Variants in ABI1 observed in about 807,000 individuals in gnomAD.
ABI1 encodes abl interactor 1.
A neutral mutation model predicts 54.6 loss-of-function variants in ABI1; 14 were observed. The ratio of observed to expected loss-of-function variants is 0.26; its 90% CI spans 0.17 to 0.40. ABI1 has a LOEUF of 0.40. ABI1 is among the 10% of genes least tolerant of loss of function. ABI1 has a pLI of 1.00. For synonymous variants in ABI1, 194 were observed against 209.3 expected (o/e 0.93, Z 0.63); for missense variants, 443 against 598.3 (o/e 0.74, Z 2.71).
intron 2 of ABI1, among the ~76,000 whole-genome samples, chr10:26,816,855 T>G (rs1420681074): frequency 1.3e-5 from 2 of 152,200 alleles, no homozygotes; most frequent in Non-Finnish European, 2.9e-5. Context: ...TTTTATAATC[T>G]CCAATAACCA....
At chr10:26,781,211 A>G (rs1476950436) in intron 2 of ABI1, among the ~76,000 whole-genome samples, 1 of 152,246 alleles carries the variant, frequency 6.6e-6, no homozygotes, top group Non-Finnish European at 1.5e-5. Context: ...CCTCTTTTGA[A>G]AAGATTCCCA....
chr10:26,839,664 A>AC (rs201513592), intron 1 of ABI1: 10 of 637,046 alleles, frequency 1.6e-5, no homozygotes, highest in Admixed American at 2.8e-5. Flanking sequence ...AAAAAAAAAA[A>AC]AACATGCCAG....
chr10:26,821,523 T>G (rs2047981717), intron 2 of ABI1, among the ~76,000 whole-genome samples: 1 of 152,070 alleles, frequency 6.6e-6, no homozygotes, highest in Admixed American at 6.5e-5. Context: ...TTAGGCAGGG[T>G]GCTGTCGCTC....
chr10:26,843,466 AAAAAAAAAAAAAAAAAAAAAT>A (rs2049698135), intron 1 of ABI1, among the ~76,000 whole-genome samples: 1 of 81,206 alleles, frequency 1.2e-5, no homozygotes, highest in Non-Finnish European at 2.3e-5. Flanking sequence ...AAAAAAAAAA[AAAAAAAAAAAAAAAAAAAAAT>A]ATATATATAT....
At chr10:26,813,251 C>T (rs1268060387) in intron 2 of ABI1, among the ~76,000 whole-genome samples, 2 of 147,180 alleles carry the variant, frequency 1.4e-5, no homozygotes, top group Non-Finnish European at 3.0e-5. Flanking sequence ...TCCATCCCCC[C>T]GCCAAAAAAA....
chr10:26,856,455 A>AAAC (rs1213488948), intron 1 of ABI1, among the ~76,000 whole-genome samples: 2 of 149,792 alleles, frequency 1.3e-5, no homozygotes, highest in Non-Finnish European at 3.0e-5. Flanking sequence ...AAAAAAAAAA[A>AAAC]AAAAAAACTG....
In ABI1 at chr10:26,771,214, T is replaced by C. The variant is rs189096733; in HGVS notation, c.463-125A>G. On this transcript the variant is annotated intron_variant, in intron 3 of 10. Transcript: ENST00000376140. ...TTAATAAGCTTTTTTCCAGCCATGT[T>C]TCAACTACTTTGTAAAGAAAAAGAG... is the stretch of plus-strand genomic sequence containing the variant. The C allele has an allele frequency of 3.7e-3, 3,640 of 971,526 alleles. 14 individuals are homozygous for C. Among genetic ancestry groups the C allele is most frequent in the Non-Finnish European group, 4.9e-3 (3,074 of 623,778 alleles). The allele number at this position is 971,526 out of a possible 1,614,324, so 60.2% of individuals were successfully genotyped here.
intron 2 of ABI1, among the ~76,000 whole-genome samples, chr10:26,797,863 G>A (rs1160761384): frequency 1.3e-5 from 2 of 152,078 alleles, no homozygotes; most frequent in East Asian, 3.8e-4. Flanking sequence ...TAAATTAAAG[G>A]ATAATAGGAA....
At chr10:26,789,530 T>G (rs1463102452) in intron 2 of ABI1, among the ~76,000 whole-genome samples, 1 of 152,188 alleles carries the variant, frequency 6.6e-6, no homozygotes, top group Admixed American at 6.5e-5. Flanking sequence ...CCCTTTTCAG[T>G]TTTGAAATTA....
chr10:26,850,414 C>G (rs965159903), intron 1 of ABI1, among the ~76,000 whole-genome samples: 16 of 151,890 alleles, frequency 1.1e-4, no homozygotes, highest in Non-Finnish European at 1.6e-4. Flanking sequence ...AATCCCAGCA[C>G]TTTGGGAGGC....
intron 7 of ABI1, chr10:26,763,898 G>A: frequency 6.2e-7 from 1 of 1,612,946 alleles, no homozygotes; most frequent in Non-Finnish European, 8.5e-7. Flanking sequence ...GTGCTCACTG[G>A]GAGAAGTGGT....
chr10:26,749,075 T>C (rs1837292651), intron 10 of ABI1, among the ~76,000 whole-genome samples: 1 of 152,172 alleles, frequency 6.6e-6, no homozygotes, highest in Non-Finnish European at 1.5e-5. Flanking sequence ...GCACCGGCTT[T>C]TCAAAATAAT....
At chr10:26,854,067 T>G (rs2050625390) in intron 1 of ABI1, among the ~76,000 whole-genome samples, 1 of 152,118 alleles carries the variant, frequency 6.6e-6, no homozygotes, top group African/African-American at 2.4e-5. Flanking sequence ...TGCCTAAATA[T>G]CTCCTTTCCA....
intron 1 of ABI1, among the ~76,000 whole-genome samples, chr10:26,840,323 T>C (rs1322250880): frequency 1.3e-5 from 2 of 152,170 alleles, no homozygotes; most frequent in Non-Finnish European, 2.9e-5. Context: ...TCCCTTCCCT[T>C]CAGCTACAAG....
rs140456554 is a variant in ABI1, at chr10:26,786,826, A to G, written c.286-9585T>C. 2.4e-4 allele frequency among the ~76,000 whole-genome samples: 37 copies of G among 152,270 alleles called. 1 individual carries two copies. The East Asian group carries it at 6.6e-3, about 27-fold the overall frequency. ...CACATTCAGGCTTAAATTACCATAT[A>G]TACACACAAACTTTTCTTTATCTAT... is the stretch of plus-strand genomic sequence containing the variant. On this transcript the variant is annotated intron_variant, in intron 2 of 10. Transcript: ENST00000376140.
At position 26,751,753 on chromosome 10, in the gene ABI1, G is replaced by A. The variant is rs750066446; in HGVS notation, c.1115C>T (p.Pro372Leu). 215 of 1,612,282 alleles carry A rather than the reference G, an allele frequency of 1.3e-4. No individual in the cohort carries two copies. Among genetic ancestry groups the A allele is most frequent in the Non-Finnish European group, 1.8e-4 (209 of 1,179,294 alleles). The change falls in exon 10 of 11, where the codon CCT becomes CTT. Residue 372 changes from proline (P) to leucine (L), a missense_variant. Coordinates refer to ENST00000376140, the MANE Select transcript of ABI1 (RefSeq NM_001012750.3). ...IADSPTPPPP[P>L]PPDDIPMFDD... ...AAACATGGGAATGTCATCTGGTGGA[G>A]GTGGTGGCGGTGGAGTTGGACTATC...
intron 1 of ABI1, among the ~76,000 whole-genome samples, chr10:26,836,615 T>C (rs2049098014): frequency 1.3e-5 from 2 of 152,204 alleles, no homozygotes; most frequent in South Asian, 2.1e-4. Context: ...AATAGCCGCG[T>C]AACATTTCTG....
intron 2 of ABI1, 64 bp downstream of exon 2, chr10:26,823,074 T>C: frequency 7.2e-7 from 1 of 1,396,194 alleles, no homozygotes; most frequent in Non-Finnish European, 9.7e-7. Flanking sequence ...GCAGGCTATT[T>C]ACTTCTTTGG....
At chr10:26,819,873 A>G (rs561026202) in intron 2 of ABI1, among the ~76,000 whole-genome samples, 71 of 152,370 alleles carry the variant, frequency 4.7e-4, no homozygotes, top group African/African-American at 1.7e-3. Context: ...TATTTGCAAC[A>G]TGACACAACA....
Sources: gnomAD v4.1 joint callset for allele counts (sites outside exome capture counted in the v4.1 genomes callset) on GRCh38, gnomAD v4.1.1 for gene constraint, MANE v1.5 for transcripts, NCBI Gene and HGNC (gene_info 2026-07-23, HGNC 2026-07-21) for gene names.